F8: variants seen among roughly 807,000 people sequenced by gnomAD.
F8 encodes coagulation factor VIII, also known as antihemophilic factor.
A neutral mutation model predicts 140.6 loss-of-function variants in F8; 12 were observed. The ratio of observed to expected loss-of-function variants is 0.09; its 90% CI spans 0.05 to 0.14. The LOEUF (loss-of-function observed/expected upper bound fraction) is 0.14. Among genes scored for constraint, F8 ranks in the 10% least tolerant of loss-of-function variants. The pLI is 1.00. For synonymous variants in F8, 585 were observed against 614.6 expected (o/e 0.95, Z 0.71); for missense variants, 1,354 against 1,720.7 (o/e 0.79, Z 3.77).
At chrX:154,995,931 C>A (rs1284788017) in intron 3 of F8, among the ~76,000 whole-genome samples, 5 of 111,009 alleles carry the variant, frequency 4.5e-5, no homozygotes, top group African/African-American at 1.3e-4. Context: ...TGGTTGGTGT[C>A]CCCTCATTGG....
chrX:154,939,764 C>A (rs782390755), intron 13 of F8, among the ~76,000 whole-genome samples: 2 of 112,189 alleles, frequency 1.8e-5, no homozygotes, highest in South Asian at 7.4e-4. Context: ...GAGGCACCCC[C>A]CAGTAGGGGC....
In F8 at chrX:154,952,543, A is replaced by ATT. The variant is rs782661825; in HGVS notation, c.1903+1347_1903+1348dup. 8.2e-3 allele frequency among the ~76,000 whole-genome samples: 784 copies of ATT among 96,037 alleles called. 11 individuals are homozygous for ATT. The highest frequency in any genetic ancestry group is 0.028 in the African/African-American group (748 of 26,388). 83.4% of individuals were successfully genotyped at this position (96,037 alleles called of 115,157 possible). ...AAGGTTCCCATGCATTTCGTTCAGGATTTTTTTTTTTTTTTTTTGAAACGG... is the reference window on the plus strand; with the variant it reads ...AAGGTTCCCATGCATTTCGTTCAGGATTTTTTTTTTTTTTTTTTTTGAAACGG... On this transcript the variant is annotated intron_variant, in intron 12 of 25. Transcript: ENST00000360256.
rs192303087 is a variant in F8 at position 154,867,631 on chromosome X, T to C, written c.6430-4404A>G. Among the ~76,000 whole-genome samples the C allele has an allele frequency of 4.7e-3, 445 of 95,464 alleles. 1 individual carries two copies. Among genetic ancestry groups the C allele is most frequent in the African/African-American group, 0.017 (427 of 24,461 alleles). The allele number at this position is 95,464 out of a possible 115,157, so 82.9% of individuals were successfully genotyped here. On this transcript the variant is annotated intron_variant, in intron 22 of 25. Transcript: ENST00000360256. ...TGAATCCAGGAGGTGGAGGTTGTAG[T>C]GAGCCAAGATCATACCACCACTGCA...
At chrX:154,892,979 T>G (rs2072954681) in intron 22 of F8, among the ~76,000 whole-genome samples, 1 of 112,020 alleles carries the variant, frequency 8.9e-6, no homozygotes, top group South Asian at 3.7e-4. Context: ...ATCTATTCTC[T>G]CTGAAGCCTG....
In F8 at chrX:154,861,756, G is replaced by T; in HGVS notation, c.6685C>A (p.Leu2229Ile). 1 of 1,211,967 alleles carries T rather than the reference G, an allele frequency of 8.3e-7. No individual in the cohort carries two copies. ...GCATTACTCCTCCCTTGGAGGTGAA[G>T]TCGAGCTTTTGAAGGAGACCAGGTG... ...FATWSPSKAR[L>I]HLQGRSNAWR... Residue 2229 changes from leucine to isoleucine, a missense_variant, in exon 24 of 26, where the codon CTT becomes ATT. Leu to Ile is a conservative substitution (Grantham distance 5). Coordinates refer to ENST00000360256, the MANE Select transcript of F8 (RefSeq NM_000132.4).
At chrX:154,955,763 C>G (rs782773107) in intron 11 of F8, among the ~76,000 whole-genome samples, 2 of 111,273 alleles carry the variant, frequency 1.8e-5, no homozygotes, top group Admixed American at 1.9e-4. Flanking sequence ...TAAAATATCA[C>G]AAGGCAAATA....
intron 22 of F8, among the ~76,000 whole-genome samples, chrX:154,888,405 TTC>T (rs1569559434): frequency 8.2e-5 from 7 of 85,373 alleles, no homozygotes; most frequent in East Asian, 6.8e-4. Context: ...TTTTTTTTTT[TTC>T]CCCCCGAGAT....
chrX:154,905,113 C>T (rs1439034385), intron 15 of F8, 90 bp from the exon 16 acceptor site: 4 of 723,099 alleles, frequency 5.5e-6, no homozygotes, highest in Non-Finnish European at 4.2e-6. Context: ...AAAGAAATAC[C>T]TGTCTTTTGG....
Position 154,966,488 on chromosome X carries a change from A to G in F8, c.1209T>C (p.His403=), listed in dbSNP as rs2073424692. The G allele has an allele frequency of 8.3e-7, 1 of 1,209,792 alleles. No individual in the cohort carries two copies. Residue 403 remains histidine (H), a synonymous_variant, in exon 8 of 26, where the codon CAT becomes CAC. Transcript: ENST00000360256. ...AGTCCTCCTCTTCAGCAGCAATGTA[A>G]TGTACCCAAGTTTTAGGATGCTTCT... is the stretch of plus-strand genomic sequence containing the variant. ...VAKKHPKTWV[H]YIAAEEEDWD...
intron 14 of F8, among the ~76,000 whole-genome samples, chrX:154,923,692 G>C (rs1427135663): frequency 8.9e-6 from 1 of 112,067 alleles, no homozygotes; most frequent in Admixed American, 9.4e-5. Context: ...GTGGACTTTT[G>C]AGTTAATGCT....
intron 25 of F8, among the ~76,000 whole-genome samples, chrX:154,840,753 A>T (rs1220568008): frequency 1.8e-5 from 2 of 112,306 alleles, no homozygotes; most frequent in East Asian, 5.6e-4. Flanking sequence ...ATCGTTCTAG[A>T]GGCTTAAAGT....
chrX:154,915,227 G>T (rs1411974220), intron 14 of F8, among the ~76,000 whole-genome samples: 1 of 111,585 alleles, frequency 9.0e-6, no homozygotes, highest in Non-Finnish European at 1.9e-5. Flanking sequence ...ACTTCCCACT[G>T]GGTCCCTCCC....
chrX:154,950,376 C>T (rs1019181632), intron 12 of F8, among the ~76,000 whole-genome samples: 2 of 111,139 alleles, frequency 1.8e-5, no homozygotes, highest in African/African-American at 6.6e-5. Context: ...GTATGGACAG[C>T]CTTTTTAATT....
intron 9 of F8, chrX:154,965,648 C>T (rs1320038754): frequency 4.2e-6 from 1 of 239,411 alleles, no homozygotes; most frequent in Admixed American, 6.4e-5. Flanking sequence ...TGTTCAAAAG[C>T]AGGCCACAAG....
intron 12 of F8, among the ~76,000 whole-genome samples, chrX:154,948,867 T>C (rs1419522332): frequency 8.9e-6 from 1 of 112,103 alleles, no homozygotes; most frequent in African/African-American, 3.2e-5. Context: ...CATTGAGATA[T>C]TATAAAGCTA....
chrX:154,856,779 A>G (rs374140201), intron 25 of F8, among the ~76,000 whole-genome samples: 4 of 111,818 alleles, frequency 3.6e-5, no homozygotes, highest in African/African-American at 9.8e-5. Flanking sequence ...TGGCCTTTCT[A>G]TCAGAATAAA....
At chrX:154,953,194 T>C (rs2073346430) in intron 12 of F8, among the ~76,000 whole-genome samples, 2 of 111,871 alleles carry the variant, frequency 1.8e-5, no homozygotes, top group South Asian at 7.5e-4. Context: ...TGTTCCCCCA[T>C]CCCAAATTTA....
chrX:154,959,792 G>A (rs1432602694), intron 10 of F8, among the ~76,000 whole-genome samples: 2 of 111,868 alleles, frequency 1.8e-5, no homozygotes, highest in African/African-American at 6.5e-5. Flanking sequence ...CACTTGAGCT[G>A]TAGAAAAGAG....
intron 25 of F8, among the ~76,000 whole-genome samples, chrX:154,857,860 C>T (rs782626462): frequency 1.6e-4 from 18 of 112,462 alleles, no homozygotes; most frequent in Admixed American, 5.6e-4. Context: ...TATGATGGGC[C>T]GGGTGCAGTG....
Sources: gnomAD v4.1 joint callset for allele counts (sites outside exome capture counted in the v4.1 genomes callset) on GRCh38, gnomAD v4.1.1 for gene constraint, MANE v1.5 for transcripts, NCBI Gene and HGNC (gene_info 2026-07-23, HGNC 2026-07-21) for gene names.